Variants in HMBOX1 observed in about 807,000 individuals in gnomAD.
The protein encoded by HMBOX1 is homeobox containing 1, also known as homeobox-containing protein 1.
Under a neutral mutation model 54.5 loss-of-function variants are expected in HMBOX1, and 14 were observed. The ratio of observed to expected loss-of-function variants is 0.26; its 90% CI spans 0.17 to 0.40. The LOEUF (loss-of-function observed/expected upper bound fraction) is 0.40, where lower values mean the gene tolerates loss of function less well. Ranked by LOEUF, HMBOX1 falls within the 10% of genes least tolerant of loss-of-function variation. The pLI, the probability that HMBOX1 is intolerant of heterozygous loss-of-function variation, is 1.00. For synonymous variants in HMBOX1, 160 were observed against 181.0 expected, an observed-to-expected ratio of 0.88 and a Z score of 0.93; for missense variants, 332 against 514.4, an observed-to-expected ratio of 0.65 and a Z score of 3.43.
intron 1 of HMBOX1, among the ~76,000 whole-genome samples, chr8:28,925,257 G>A (rs957000909): frequency 5.3e-5 from 8 of 152,184 alleles, no homozygotes; most frequent in Non-Finnish European, 1.2e-4. Flanking sequence ...TGCATGGGGT[G>A]TTTTGTACCA....
chr8:28,993,246 T>C (rs1380100268), intron 4 of HMBOX1, among the ~76,000 whole-genome samples: 2 of 152,176 alleles, frequency 1.3e-5, no homozygotes, highest in Non-Finnish European at 2.9e-5. Flanking sequence ...AAATAAGATA[T>C]ATTTTGATAA....
chr8:28,974,598 T>G (rs1163608664), intron 3 of HMBOX1, among the ~76,000 whole-genome samples: 2 of 152,222 alleles, frequency 1.3e-5, no homozygotes, highest in African/African-American at 4.8e-5. Context: ...AGTATTTTAC[T>G]TGCCTAAGTA....
chr8:28,906,968 A>G (rs749166588), intron 1 of HMBOX1, among the ~76,000 whole-genome samples: 4 of 152,260 alleles, frequency 2.6e-5, no homozygotes, highest in Non-Finnish European at 4.4e-5. Context: ...CAAGTCAGTT[A>G]TAATGTTAAA....
intron 6 of HMBOX1, among the ~76,000 whole-genome samples, chr8:29,031,104 T>TA (rs1199640755): frequency 2.0e-5 from 3 of 152,214 alleles, no homozygotes; most frequent in African/African-American, 7.2e-5. Context: ...TTCAGTGCCT[T>TA]ACAGTTGCAA....
intron 6 of HMBOX1, among the ~76,000 whole-genome samples, chr8:29,032,486 T>A (rs1803153268): frequency 6.6e-6 from 1 of 152,206 alleles, no homozygotes; most frequent in African/African-American, 2.4e-5. Context: ...TTTTTCCTGC[T>A]GATTTGTGTT....
chr8:28,983,336 A>C (rs148431489), intron 4 of HMBOX1, among the ~76,000 whole-genome samples: 1 of 152,086 alleles, frequency 6.6e-6, no homozygotes, highest in African/African-American at 2.4e-5. Flanking sequence ...GAATTTCACT[A>C]TTTGCCATTC....
intron 1 of HMBOX1, among the ~76,000 whole-genome samples, chr8:28,898,575 C>T (rs773496521): frequency 1.3e-5 from 2 of 152,200 alleles, no homozygotes; most frequent in African/African-American, 4.8e-5. Context: ...CTCAAGCTCT[C>T]GTTCTGGTGA....
At chr8:28,935,506 T>A (rs36001496) in intron 1 of HMBOX1, among the ~76,000 whole-genome samples, 3,904 of 152,238 alleles carry the variant, frequency 0.026, 85 homozygotes, top group Non-Finnish European at 0.04. Flanking sequence ...GGGGGAGCAT[T>A]TCTTGACTCT....
At chr8:29,035,284 T>C (rs1206024588) in intron 6 of HMBOX1, among the ~76,000 whole-genome samples, 1 of 152,210 alleles carries the variant, frequency 6.6e-6, no homozygotes, top group African/African-American at 2.4e-5. Flanking sequence ...AATCCTGTTC[T>C]GTTGATCTCC....
intron 1 of HMBOX1, among the ~76,000 whole-genome samples, chr8:28,959,640 A>G (rs1002819298): frequency 6.6e-6 from 1 of 152,192 alleles, no homozygotes; most frequent in Non-Finnish European, 1.5e-5. Flanking sequence ...TATGTTCTGT[A>G]TACTACCTTT....
chr8:28,942,234 T>A (rs944457125), intron 1 of HMBOX1, among the ~76,000 whole-genome samples: 1 of 152,176 alleles, frequency 6.6e-6, no homozygotes, highest in Non-Finnish European at 1.5e-5. Context: ...CTCCTTCTGC[T>A]CACCCCTTCA....
intron 3 of HMBOX1, among the ~76,000 whole-genome samples, chr8:28,972,614 G>GT (rs1286676056): frequency 6.6e-6 from 1 of 152,104 alleles, no homozygotes; most frequent in East Asian, 1.9e-4. Flanking sequence ...TGCCAACCTG[G>GT]TTTTTTCGGT....
intron 1 of HMBOX1, among the ~76,000 whole-genome samples, chr8:28,937,282 T>C (rs773786206): frequency 3.9e-5 from 6 of 152,252 alleles, no homozygotes; most frequent in Non-Finnish European, 7.3e-5. Context: ...TATCAGTTAA[T>C]GTTTATTCCT....
At chr8:29,006,472 G>T (rs1381667501) in intron 4 of HMBOX1, among the ~76,000 whole-genome samples, 1 of 152,160 alleles carries the variant, frequency 6.6e-6, no homozygotes, top group East Asian at 1.9e-4. Flanking sequence ...TTCAGCTCTA[G>T]CAGTTATCAT....
At position 29,049,038 on chromosome 8, in the gene HMBOX1, ACTC is replaced by A. The variant is rs1387020192; in HGVS notation, c.1116_1118del (p.Ser373del). On this transcript the variant is annotated inframe_deletion, in exon 9 of 10. Transcript: ENST00000287701. Reference sequence around the variant, plus strand: ...AGTGATGATGTCGACGGGAATGACTACTCTGAGCAGGTGAGCCCCTGCGCAGCT... The same window carrying A: ...AGTGATGATGTCGACGGGAATGACTATGAGCAGGTGAGCCCCTGCGCAGCT... 1.2e-6 allele frequency: 2 copies of A among 1,612,706 alleles called. No individual in the cohort carries two copies. Among genetic ancestry groups the A allele is most frequent in the African/African-American group, 2.7e-5 (2 of 74,430 alleles).
At chr8:28,971,027 CACAT>C (rs1173770903) in intron 3 of HMBOX1, among the ~76,000 whole-genome samples, 10 of 134,168 alleles carry the variant, frequency 7.5e-5, no homozygotes, top group Admixed American at 7.6e-5. Context: ...CACACACACA[CACAT>C]TGTCTTTTAT....
intron 2 of HMBOX1, among the ~76,000 whole-genome samples, chr8:28,965,752 A>T (rs1239640918): frequency 6.6e-6 from 1 of 152,230 alleles, no homozygotes; most frequent in East Asian, 1.9e-4. Flanking sequence ...GCCCTGCCAC[A>T]GCCTAAGCTC....
chr8:28,919,974 TGTG>T (rs1261958861), intron 1 of HMBOX1, among the ~76,000 whole-genome samples: 1 of 19,874 alleles, frequency 5.0e-5, no homozygotes, highest in African/African-American at 1.5e-4. Flanking sequence ...TGAAGTTTTG[TGTG>T]TGTGTGTGTG....
At chr8:28,983,873 T>G (rs1829788573) in intron 4 of HMBOX1, among the ~76,000 whole-genome samples, 1 of 152,246 alleles carries the variant, frequency 6.6e-6, no homozygotes, top group Non-Finnish European at 1.5e-5. Context: ...TGAGGATGAT[T>G]GATAACCATA....
Sources: allele counts gnomAD v4.1 joint callset (sites outside exome capture counted in the v4.1 genomes callset), GRCh38; gene constraint gnomAD v4.1.1; transcripts MANE v1.5; gene names NCBI Gene and HGNC (gene_info 2026-07-23, HGNC 2026-07-21).